The following ERAP2 variants were observed in gnomAD, a reference collection of about 807,000 sequenced individuals.
The protein encoded by ERAP2 is leukocyte-derived arginine aminopeptidase.
Under a neutral mutation model 111.1 loss-of-function variants are expected in ERAP2, and 118 were observed. The ratio of observed to expected loss-of-function variants is 1.06; its 90% CI spans 0.92 to 1.24. The LOEUF is 1.24. ERAP2 is among the 50% of genes most tolerant of loss of function. The pLI is 0.00. For synonymous variants in ERAP2, 410 were observed against 401.2 expected (o/e 1.02, Z -0.26); for missense variants, 1,131 against 1,125.8 (o/e 1.00, Z -0.07).
chr5:96,912,494 A>G, intron 15 of ERAP2, 143 bp from the exon 16 acceptor site: 1 of 515,060 alleles, frequency 1.9e-6, no homozygotes, highest in Non-Finnish European at 3.3e-6. Flanking sequence ...TATTTTTATA[A>G]GAGTTCGGCA....
rs1581882683 is a variant in ERAP2, at chr5:96,905,618, T to C, written c.2012+2058T>C. Among the ~76,000 whole-genome samples, 3 of 152,304 alleles carry C rather than the reference T, an allele frequency of 2.0e-5. No individual in the cohort carries two copies. The East Asian group carries it at 5.8e-4, about 29-fold the overall frequency. On this transcript the variant is annotated intron_variant, in intron 13 of 18. Coordinates refer to ENST00000437043, the MANE Select transcript of ERAP2 (RefSeq NM_022350.5). Reference sequence around the variant, plus strand: ...ATTAAAGGAGGCCCGGCACAGTGGCTCATGCCTGTAACCCTACCATTTTGG... The same window carrying C: ...ATTAAAGGAGGCCCGGCACAGTGGCCCATGCCTGTAACCCTACCATTTTGG...
At chr5:96,902,425 G>A (rs1179293816) in intron 12 of ERAP2, 72 bp downstream of exon 12, 2 of 886,068 alleles carry the variant, frequency 2.3e-6, no homozygotes, top group African/African-American at 1.7e-5. Flanking sequence ...TTGAAGGAAC[G>A]ATACAATAAG....
intron 4 of ERAP2, 68 bp downstream of exon 4, chr5:96,886,857 C>A: frequency 2.3e-6 from 3 of 1,286,586 alleles, no homozygotes; most frequent in East Asian, 5.5e-5. Context: ...CTTTTGTTTT[C>A]TCATGTTTTT....
Position 96,909,049 on chromosome 5 carries a change from A to G in ERAP2, c.2101A>G (p.Ser701Gly). The G allele has an allele frequency of 6.2e-7, 1 of 1,614,164 alleles. No individual in the cohort carries two copies. Residue 701 changes from serine to glycine, a missense_variant, in exon 14 of 19, where the codon AGT (serine) becomes GGT (glycine). Ser to Gly is a moderately conservative substitution (Grantham distance 56, BLOSUM62 0). This residue lies in a region of ERAP2 where 847 missense variants were observed against 856.5 expected (regional missense o/e 0.99). Transcript: ENST00000437043. ...CAGCCCCGCACTTCTCGAAGGTCTG[A>G]GTTACTTGGAATCGTTTTACCACAT... is the stretch of plus-strand genomic sequence containing the variant. ...TSSPALLEGL[S>G]YLESFYHMMD...
Position 96,912,634 on chromosome 5 carries a change from C to T in ERAP2, c.2355-3C>T. ...TTCTTCATTTTTATGCTTGATATTA[C>T]AGTATACCAACAGATGTTTTAAAGA... On this transcript the variant is annotated splice_polypyrimidine_tract_variant and splice_region_variant and intron_variant, in intron 15 of 18. Coordinates refer to ENST00000437043, the MANE Select transcript of ERAP2 (RefSeq NM_022350.5). 6.3e-7 allele frequency: 1 copy of T among 1,595,288 alleles called. No individual in the cohort carries two copies.
At chr5:96,886,849 TTTG>T (rs148790643) in intron 4 of ERAP2, 60 bp downstream of exon 4, 41,881 of 1,319,972 alleles carry the variant, frequency 0.032, 765 homozygotes, top group Middle Eastern at 0.072. Context: ...GCAATGAACT[TTTG>T]TTTTCTCATG....
rs892352817 is a variant in ERAP2, at chr5:96,901,369, C to A, written c.1573-137C>A. 97 of 930,690 alleles carry A rather than the reference C, an allele frequency of 1.0e-4. 1 individual carries two copies. The Admixed American group carries it at 2.0e-3, about 19-fold the overall frequency. 57.7% of individuals were successfully genotyped at this position (930,690 alleles called of 1,614,324 possible). A position where few individuals can be genotyped will look rare whatever the true frequency, so the allele number is the denominator to read the frequency against. ...ATCCCTAATCCAGTTGCCTGGATTA[C>A]CCTTCCCTGAGATACCAGTCCGAGT... On this transcript the variant is annotated intron_variant, in intron 10 of 18. Coordinates refer to ENST00000437043, the MANE Select transcript of ERAP2 (RefSeq NM_022350.5).
intron 5 of ERAP2, among the ~76,000 whole-genome samples, chr5:96,890,409 T>C (rs73778425): frequency 2.4e-4 from 37 of 152,314 alleles, no homozygotes; most frequent in African/African-American, 8.2e-4. Flanking sequence ...GCTCAGGCAG[T>C]CATGCTCTCT....
chr5:96,881,595 A>G (rs1783139053), intron 2 of ERAP2: 1 of 427,318 alleles, frequency 2.3e-6, no homozygotes, highest in African/African-American at 2.0e-5. Context: ...TTCTCATGCA[A>G]CAAGAAGTCC....
chr5:96,906,030 C>T (rs1011078542), intron 13 of ERAP2, among the ~76,000 whole-genome samples: 1 of 151,282 alleles, frequency 6.6e-6, no homozygotes, highest in Non-Finnish European at 1.5e-5. Context: ...TCTGCTCAGC[C>T]TCGCAAATTG....
rs184018698 is a variant in ERAP2 at position 96,917,523 on chromosome 5, T to C, written c.2801T>C (p.Val934Ala). 2.2e-5 allele frequency: 35 copies of C among 1,613,990 alleles called. No homozygotes were observed. The East Asian group carries it at 7.1e-4, about 33-fold the overall frequency. The change falls in exon 19 of 19, where the codon GTT (valine) becomes GCT (alanine). Residue 934 changes from valine to alanine, a missense_variant. Around this residue, in one of 3 missense-constraint regions of ERAP2, gnomAD observed 279 missense variants for 250.9 expected, o/e 1.11. Coordinates refer to ENST00000437043, the MANE Select transcript of ERAP2 (RefSeq NM_022350.5). ...TCACATCTGGATATTTTTCAAACTG[T>C]TCTGGAAACGATAACCAAAAATATA... ...QGSHLDIFQT[V>A]LETITKNIKW... is the part of the protein sequence containing the mutation.
At chr5:96,891,724 C>T (rs991355082) in intron 5 of ERAP2, among the ~76,000 whole-genome samples, 2 of 151,864 alleles carry the variant, frequency 1.3e-5, no homozygotes, top group African/African-American at 4.8e-5. Flanking sequence ...AGAATCAATT[C>T]CCAGAGCTTT....
In ERAP2 at chr5:96,917,680, G is replaced by A; in HGVS notation, c.*75G>A. ...CCAGCACTTTGGGAGGCTGAGAAGG[G>A]CGGATCACGAGGTCAGGAGATGGAG... is the stretch of plus-strand genomic sequence containing the variant. On this transcript the variant is annotated 3_prime_UTR_variant, in exon 19 of 19. Coordinates refer to ENST00000437043, the MANE Select transcript of ERAP2 (RefSeq NM_022350.5). The A allele has an allele frequency of 8.0e-7, 1 of 1,254,266 alleles. No individual in the cohort carries two copies. The highest frequency in any genetic ancestry group is 2.8e-5 in the East Asian group (1 of 35,234). 77.7% of individuals were successfully genotyped at this position (1,254,266 alleles called of 1,614,324 possible).
At chr5:96,917,181 A>G (rs2112450068) in intron 18 of ERAP2, among the ~76,000 whole-genome samples, 1 of 152,252 alleles carries the variant, frequency 6.6e-6, no homozygotes. Flanking sequence ...ATCTTGGCTC[A>G]TTGTAACCTC....
At chr5:96,914,411 GC>G (rs1376943243) in intron 17 of ERAP2, among the ~76,000 whole-genome samples, 1 of 152,122 alleles carries the variant, frequency 6.6e-6, no homozygotes, top group East Asian at 1.9e-4. Flanking sequence ...TCTCCCAAAT[GC>G]TCAAGGAGTT....
intron 10 of ERAP2, 89 bp downstream of exon 10, chr5:96,900,278 C>G: frequency 6.7e-7 from 1 of 1,503,428 alleles, no homozygotes; most frequent in Non-Finnish European, 8.9e-7. Context: ...CCCACCTGTC[C>G]CTTTTAAAAG....
chr5:96,902,884 A>G (rs1234998623), intron 12 of ERAP2: 1 of 154,440 alleles, frequency 6.5e-6, no homozygotes, highest in Non-Finnish European at 1.4e-5. Flanking sequence ...CATTAAAAAT[A>G]CATAGTATAA....
Position 96,901,575 on chromosome 5 carries a change from C to A in ERAP2, c.1642C>A (p.Pro548Thr), listed in dbSNP as rs267600745. ...MTTWTLQKGI[P>T]LLVVKQDGCS... is the part of the protein sequence containing the mutation. Reference sequence around the variant, plus strand: ...TACATGGACTCTCCAGAAAGGAATCCCCCTGCTGGTGGTTAAACAAGACGG... The same window carrying A: ...TACATGGACTCTCCAGAAAGGAATCACCCTGCTGGTGGTTAAACAAGACGG... Residue 548 changes from proline (P) to threonine (T), a missense_variant, in exon 11 of 19, where the codon CCC (proline) becomes ACC (threonine). Pro to Thr is a conservative substitution (Grantham distance 38). Coordinates refer to ENST00000437043, the MANE Select transcript of ERAP2 (RefSeq NM_022350.5). 3 of 1,614,078 alleles carry A rather than the reference C, an allele frequency of 1.9e-6. No homozygotes were observed.
At position 96,879,925 on chromosome 5, in the gene ERAP2, C is replaced by T; in HGVS notation, c.240C>T (p.Leu80=). 8 of 1,614,156 alleles carry T rather than the reference C, an allele frequency of 5.0e-6. No individual in the cohort carries two copies. The highest frequency in any genetic ancestry group is 6.8e-6 in the Non-Finnish European group (8 of 1,180,022). The stretch of plus-strand genomic sequence containing the variant: ...TGGTCATTCCTCTCCATTATGACCT[C>T]TTTGTCCACCCCAATCTCACCTCTC... ...PSVVIPLHYD[L]FVHPNLTSLD... Residue 80 remains leucine (L), a synonymous_variant, in exon 2 of 19, where the codon CTC becomes CTT. Transcript: ENST00000437043.
Sources: allele counts gnomAD v4.1 joint callset (sites outside exome capture counted in the v4.1 genomes callset), GRCh38; gene constraint gnomAD v4.1.1; regional missense constraint gnomAD v4.1.1; transcripts MANE v1.5; gene names NCBI Gene and HGNC (gene_info 2026-07-23, HGNC 2026-07-21).